The following SYNE2 variants were observed in gnomAD, a reference collection of about 807,000 sequenced individuals.
SYNE2 encodes spectrin repeat containing nuclear envelope protein 2.
In SYNE2, 431 loss-of-function variants were observed where a neutral mutation model predicts 856.3. The observed-to-expected ratio is 0.50, with a 90% CI of 0.47 to 0.55. SYNE2 has a LOEUF of 0.55. SYNE2 is among the 20% of genes least tolerant of loss of function. The pLI, the probability that SYNE2 is intolerant of heterozygous loss-of-function variation, is 0.00. For missense variants in SYNE2, 8,129 were observed against 8,023.2 expected, an observed-to-expected ratio of 1.01 and a Z score of -0.50; for synonymous variants, 2,923 against 2,872.3, an observed-to-expected ratio of 1.02 and a Z score of -0.56.
chr14:64,028,323 A>G (rs1007946545), intron 43 of SYNE2, among the ~76,000 whole-genome samples: 2 of 151,994 alleles, frequency 1.3e-5, no homozygotes, highest in African/African-American at 2.4e-5. Flanking sequence ...TGTTGCAATC[A>G]TAGTTCACTG....
At chr14:63,955,047 A>G in intron 8 of SYNE2, 132 bp downstream of exon 8, 1 of 741,096 alleles carries the variant, frequency 1.3e-6, no homozygotes, top group Admixed American at 2.3e-5. Context: ...TAAGCTCTTT[A>G]TCGAATTTGA....
At chr14:63,981,624 A>G (rs944997423) in intron 16 of SYNE2, among the ~76,000 whole-genome samples, 4 of 152,206 alleles carry the variant, frequency 2.6e-5, no homozygotes, top group Non-Finnish European at 4.4e-5. Flanking sequence ...GAAAATCAAG[A>G]TACCGTAACT....
chr14:64,119,413 C>T lies in SYNE2; in HGVS notation c.12841-14C>T, dbSNP rs765485555. 2.5e-6 allele frequency: 4 copies of T among 1,613,868 alleles called. No homozygotes were observed. Among genetic ancestry groups the T allele is most frequent in the Non-Finnish European group, 3.4e-6 (4 of 1,179,946 alleles). On this transcript the variant is annotated splice_polypyrimidine_tract_variant and intron_variant, in intron 66 of 115. Transcript: ENST00000555002. ...GAACAACATTATGAATAATTAAATG[C>T]TTTTATTTCCTAGGCTATGCTAACA...
At position 64,212,959 on chromosome 14, in the gene SYNE2, T is replaced by G; in HGVS notation, c.19010T>G (p.Phe6337Cys). 1 of 1,614,148 alleles carries G rather than the reference T, an allele frequency of 6.2e-7. No individual in the cohort carries two copies. The highest frequency in any genetic ancestry group is 1.3e-5 in the African/African-American group (1 of 75,060). The stretch of plus-strand genomic sequence containing the variant: ...CTCCACCGCTACTGCCAGGAGGTGT[T>G]TGGAAGGGTCTCCCGGTTCCACCGG... Reference protein sequence around the residue: ...EELHRYCQEVFGRVSRFHRRL... With the variant: ...EELHRYCQEVCGRVSRFHRRL... The change falls in exon 105 of 116, where the codon TTT becomes TGT. Residue 6337 changes from phenylalanine to cysteine, a missense_variant. Physicochemically the swap from Phe to Cys is radical, Grantham distance 205. Around this residue, in one of 3 missense-constraint regions of SYNE2, gnomAD observed 5,410 missense variants for 5,284.8 expected, o/e 1.02. Transcript: ENST00000555002.
intron 101 of SYNE2, 36 bp downstream of exon 101, chr14:64,208,981 G>T: frequency 6.2e-7 from 1 of 1,605,100 alleles, no homozygotes; most frequent in South Asian, 1.1e-5. Context: ...CTTCAGCGTG[G>T]TCAGCCGAAC....
chr14:64,150,320 A>G (rs918071773), intron 84 of SYNE2, among the ~76,000 whole-genome samples: 8 of 140,154 alleles, frequency 5.7e-5, no homozygotes, highest in South Asian at 2.2e-4. Flanking sequence ...AAAAAAAAAA[A>G]AGGATCCTCC....
At chr14:63,939,250 G>A (rs2095870736) in intron 2 of SYNE2, among the ~76,000 whole-genome samples, 1 of 152,146 alleles carries the variant, frequency 6.6e-6, no homozygotes, top group South Asian at 2.1e-4. Context: ...GGGAGGCATG[G>A]TGTCAGTGTG....
chr14:64,123,679 C>G (rs1207396007), intron 70 of SYNE2, among the ~76,000 whole-genome samples: 1 of 152,146 alleles, frequency 6.6e-6, no homozygotes, highest in Admixed American at 6.6e-5. Flanking sequence ...AATCATTCAC[C>G]CTTCTGAAAT....
Position 64,225,873 on chromosome 14 carries a change from G to A in SYNE2, c.*347G>A. 3.7e-6 allele frequency: 2 copies of A among 544,112 alleles called. No homozygotes were observed. The highest frequency in any genetic ancestry group is 6.6e-6 in the Non-Finnish European group (2 of 304,170). 33.7% of individuals were successfully genotyped at this position (544,112 alleles called of 1,614,324 possible). A position where few individuals can be genotyped will look rare whatever the true frequency, so the allele number is the denominator to read the frequency against. On this transcript the variant is annotated 3_prime_UTR_variant, in exon 116 of 116. Coordinates refer to ENST00000555002, the MANE Select transcript of SYNE2 (RefSeq NM_182914.3). ...ATTATAATGTAGGTATGGTCAATGA[G>A]CAGTGGTGTCCATCACATATATTAT...
chr14:63,885,579 GAA>G (rs1322860148), intron 1 of SYNE2, among the ~76,000 whole-genome samples: 8 of 152,248 alleles, frequency 5.3e-5, no homozygotes, highest in African/African-American at 1.9e-4. Context: ...GGCCAGAGCT[GAA>G]GTTACTTGTT....
At chr14:63,946,929 A>G (rs1362041685) in intron 6 of SYNE2, among the ~76,000 whole-genome samples, 1 of 151,960 alleles carries the variant, frequency 6.6e-6, no homozygotes, top group Non-Finnish European at 1.5e-5. Flanking sequence ...GACTCACTGC[A>G]ATGTCTGTCT....
intron 32 of SYNE2, among the ~76,000 whole-genome samples, chr14:64,014,101 T>C (rs1296852215): frequency 1.3e-5 from 2 of 152,072 alleles, no homozygotes; most frequent in Admixed American, 6.6e-5. Flanking sequence ...ATTTTAAAAA[T>C]TTTATAAATG....
chr14:63,881,599 TTATATAAA>T (rs2094866367), intron 1 of SYNE2, among the ~76,000 whole-genome samples: 1 of 148,576 alleles, frequency 6.7e-6, no homozygotes, highest in African/African-American at 2.4e-5. Context: ...AATTTTATGT[TTATATAAA>T]TATATAATTA....
At chr14:63,785,317 G>T (rs191306391) in intron 1 of SYNE2, among the ~76,000 whole-genome samples, 4 of 152,190 alleles carry the variant, frequency 2.6e-5, no homozygotes, top group African/African-American at 9.6e-5. Flanking sequence ...AATGTAGTTA[G>T]GTAGGTGGTG....
Position 64,002,073 on chromosome 14 carries a change from C to T in SYNE2, c.3778C>T (p.His1260Tyr), listed in dbSNP as rs1259707246. 3 of 1,610,632 alleles carry T rather than the reference C, an allele frequency of 1.9e-6. No individual in the cohort carries two copies. Among genetic ancestry groups the T allele is most frequent in the African/African-American group, 1.3e-5 (1 of 74,840 alleles). Residue 1260 changes from histidine (H) to tyrosine (Y), a missense_variant, in exon 29 of 116, where the codon CAC (histidine) becomes TAC (tyrosine). Physicochemically the swap from His to Tyr is moderately conservative, Grantham distance 83. Coordinates refer to ENST00000555002, the MANE Select transcript of SYNE2 (RefSeq NM_182914.3). ...HLIDADRIYQ[H>Y]LRNIQDSIAK... ...CATTGATGCTGATCGCATCTATCAA[C>T]ACCTAAGGGTAAGTATATAAGTTCT...
chr14:64,007,406 G>C (rs1433911583), intron 31 of SYNE2, among the ~76,000 whole-genome samples, 184 bp downstream of exon 31: 2 of 152,198 alleles, frequency 1.3e-5, no homozygotes, highest in Non-Finnish European at 2.9e-5. Flanking sequence ...ATTATAGCCA[G>C]AATGCAGCAA....
intron 97 of SYNE2, among the ~76,000 whole-genome samples, chr14:64,187,405 A>G (rs1398448887): frequency 1.3e-5 from 2 of 152,206 alleles, no homozygotes; most frequent in East Asian, 3.8e-4. Context: ...AATGTTTAGA[A>G]TATATGAAAA....
At chr14:63,812,866 T>G (rs534355769) in intron 1 of SYNE2, among the ~76,000 whole-genome samples, 2 of 152,284 alleles carry the variant, frequency 1.3e-5, no homozygotes, top group South Asian at 4.1e-4. Flanking sequence ...ACCTGCACAT[T>G]CTGCACATGT....
At chr14:63,985,201 G>T (rs1442940749) in intron 18 of SYNE2, among the ~76,000 whole-genome samples, 1 of 151,566 alleles carries the variant, frequency 6.6e-6, no homozygotes, top group African/African-American at 2.4e-5. Flanking sequence ...GTGGTGGCGG[G>T]TGCTTGTAAT....
Sources: gnomAD v4.1 joint callset for allele counts (sites outside exome capture counted in the v4.1 genomes callset) on GRCh38, gnomAD v4.1.1 for gene constraint, gnomAD v4.1.1 regional missense constraint, MANE v1.5 for transcripts, NCBI Gene and HGNC (gene_info 2026-07-23, HGNC 2026-07-21) for gene names.